The following RERE variants were observed in gnomAD, a reference collection of about 807,000 sequenced individuals.
RERE encodes the protein arginine-glutamic acid dipeptide repeats.
Under a neutral mutation model 146.1 loss-of-function variants are expected in RERE, and 40 were observed. The ratio of observed to expected loss-of-function variants is 0.27; its 90% CI spans 0.21 to 0.36. RERE has a LOEUF of 0.36. RERE is among the 10% of genes least tolerant of loss of function. The probability of loss-of-function intolerance (pLI) is 1.00; values close to 1 mark genes in which losing one functional copy is unlikely to be tolerated. For missense variants in RERE, 1,933 were observed against 2,138.7 expected (o/e 0.90, Z 1.90); for synonymous variants, 1,003 against 866.0 (o/e 1.16, Z -2.78).
chr1:8,645,150 G>A (rs974615914), intron 2 of RERE, among the ~76,000 whole-genome samples: 2 of 152,178 alleles, frequency 1.3e-5, no homozygotes, highest in Admixed American at 6.5e-5. Context: ...AAATCCAGTA[G>A]ATAGAAGGTG....
chr1:8,632,435 C>A (rs959424581), intron 2 of RERE, among the ~76,000 whole-genome samples: 3 of 152,216 alleles, frequency 2.0e-5, no homozygotes, highest in Admixed American at 6.5e-5. Flanking sequence ...ATTCACAATG[C>A]GTGTGTTATA....
At position 8,465,974 on chromosome 1, in the gene RERE, T is replaced by C. The variant is rs745398302; in HGVS notation, c.1154A>G (p.Lys385Arg). The C allele has an allele frequency of 3.1e-6, 5 of 1,614,152 alleles. No homozygotes were observed. Among genetic ancestry groups the C allele is most frequent in the Non-Finnish European group, 3.4e-6 (4 of 1,179,978 alleles). Residue 385 changes from lysine to arginine, a missense_variant, in exon 11 of 23, where the codon AAG (lysine) becomes AGG (arginine). Physicochemically the swap from Lys to Arg is conservative, Grantham distance 26. Around this residue, in one of 11 missense-constraint regions of RERE, gnomAD observed 260 missense variants for 378.4 expected, o/e 0.69. Transcript: ENST00000400908. The part of the protein sequence containing the change: ...DAGKALQRLV[K>R]KPVPKLIEKC... ...CTCGATGAGCTTGGGCACAGGCTTC[T>C]TCACCAGGCGCTGCAGGGCTTTGCC...
chr1:8,358,334 T>C lies in RERE; in HGVS notation c.4201A>G (p.Ile1401Val), dbSNP rs1025601039. ...SYPDRLAAERIHAERMASLTS... is the reference protein window; with the variant it reads ...SYPDRLAAERVHAERMASLTS... ...AGCGATGCCATGCGCTCTGCGTGGA[T>C]ACGCTCGGCTGCCAGTCTGTCAGGG... The change falls in exon 20 of 23, where the codon ATC becomes GTC. Residue 1401 changes from isoleucine (I) to valine (V), a missense_variant. By Grantham distance (29) the Ile-to-Val change is conservative. Coordinates refer to ENST00000400908, the MANE Select transcript of RERE (RefSeq NM_001042681.2). 3 of 1,612,824 alleles carry C rather than the reference T, an allele frequency of 1.9e-6. No homozygotes were observed. In the African/African-American group the frequency reaches 4.0e-5, roughly 22 times the overall value.
chr1:8,705,376 G>A (rs1316526915), intron 1 of RERE, among the ~76,000 whole-genome samples: 1 of 151,938 alleles, frequency 6.6e-6, no homozygotes, highest in Non-Finnish European at 1.5e-5. Flanking sequence ...TCTACCACAG[G>A]CCAGCAGGCT....
intron 11 of RERE, among the ~76,000 whole-genome samples, chr1:8,464,425 G>GC (rs1644568417): frequency 6.6e-6 from 1 of 152,080 alleles, no homozygotes; most frequent in Non-Finnish European, 1.5e-5. Flanking sequence ...ACCAGTCCCA[G>GC]CCTGGTGTGC....
At chr1:8,458,394 A>T (rs1163247442) in intron 11 of RERE, among the ~76,000 whole-genome samples, 1 of 152,146 alleles carries the variant, frequency 6.6e-6, no homozygotes, top group East Asian at 1.9e-4. Context: ...GACTCCCCCC[A>T]TTACTCCCCT....
At chr1:8,689,789 A>C (rs1432811327) in intron 1 of RERE, among the ~76,000 whole-genome samples, 2 of 151,824 alleles carry the variant, frequency 1.3e-5, no homozygotes, top group Non-Finnish European at 1.5e-5. Flanking sequence ...AAAAAAAAAA[A>C]CTACTAACAG....
At chr1:8,525,741 CA>C in intron 7 of RERE, 1 of 1,592,812 alleles carries the variant, frequency 6.3e-7, no homozygotes. Context: ...TCGGTGAGGC[CA>C]GGGGAAGATA....
chr1:8,538,020 GAAAT>G (rs1464617210), intron 7 of RERE, among the ~76,000 whole-genome samples: 1 of 152,186 alleles, frequency 6.6e-6, no homozygotes, highest in Non-Finnish European at 1.5e-5. Context: ...TCAGCTCTGA[GAAAT>G]AAACAGTTCC....
intron 1 of RERE, among the ~76,000 whole-genome samples, chr1:8,764,111 G>C (rs1371436415): frequency 6.6e-6 from 1 of 151,816 alleles, no homozygotes; most frequent in Non-Finnish European, 1.5e-5. Context: ...TATCAAGATG[G>C]TTCCCACGCT....
intron 4 of RERE, among the ~76,000 whole-genome samples, chr1:8,584,493 G>A (rs1017620475): frequency 3.9e-5 from 6 of 152,182 alleles, no homozygotes; most frequent in Non-Finnish European, 8.8e-5. Flanking sequence ...GTTACAGTGA[G>A]CTATGATCCT....
intron 4 of RERE, among the ~76,000 whole-genome samples, chr1:8,601,736 A>AACACACACACACACAC: frequency 7.1e-6 from 1 of 140,902 alleles, no homozygotes; most frequent in South Asian, 2.4e-4. Context: ...GTCCAAGGTC[A>AACACACACACACACAC]ACACACACAC....
chr1:8,391,705 A>T (rs1443436938), intron 12 of RERE, among the ~76,000 whole-genome samples: 1 of 152,150 alleles, frequency 6.6e-6, no homozygotes, highest in African/African-American at 2.4e-5. Context: ...ATAATTATAT[A>T]TCTAATTATT....
chr1:8,675,845 T>G (rs1638829970), intron 1 of RERE, among the ~76,000 whole-genome samples: 1 of 152,290 alleles, frequency 6.6e-6, no homozygotes, highest in Admixed American at 6.5e-5. Flanking sequence ...ATTTTAGGTA[T>G]TTTCAGATTT....
chr1:8,467,130 C>T (rs888098921), intron 10 of RERE, among the ~76,000 whole-genome samples: 1 of 152,200 alleles, frequency 6.6e-6, no homozygotes, highest in African/African-American at 2.4e-5. Context: ...GGTTCTGGGA[C>T]ACAGCAGTAA....
chr1:8,372,543 T>TGTG (rs6143112), intron 12 of RERE, among the ~76,000 whole-genome samples: 1 of 150,602 alleles, frequency 6.6e-6, no homozygotes, highest in Non-Finnish European at 1.5e-5. Context: ...TGTGTGTGTG[T>TGTG]TTTAAATTAA....
intron 7 of RERE, among the ~76,000 whole-genome samples, chr1:8,530,306 A>T (rs1645627113): frequency 6.6e-6 from 1 of 152,206 alleles, no homozygotes; most frequent in Non-Finnish European, 1.5e-5. Context: ...AATTTTTTCT[A>T]AAATTAAAAA....
At chr1:8,404,785 C>T (rs1643391631) in intron 12 of RERE, among the ~76,000 whole-genome samples, 1 of 152,142 alleles carries the variant, frequency 6.6e-6, no homozygotes, top group South Asian at 2.1e-4. Flanking sequence ...CAGACTGGTG[C>T]CAACCGTGTC....
At chr1:8,708,542 T>C (rs1041512224) in intron 1 of RERE, among the ~76,000 whole-genome samples, 1 of 152,086 alleles carries the variant, frequency 6.6e-6, no homozygotes, top group Non-Finnish European at 1.5e-5. Context: ...GGCCAGCTGG[T>C]CTGGAACTCC....
Sources: gnomAD v4.1 joint callset for allele counts (sites outside exome capture counted in the v4.1 genomes callset) on GRCh38, gnomAD v4.1.1 for gene constraint, gnomAD v4.1.1 regional missense constraint, MANE v1.5 for transcripts, NCBI Gene and HGNC (gene_info 2026-07-23, HGNC 2026-07-21) for gene names.